Variants in SHTN1 observed in about 807,000 individuals in gnomAD.
The protein encoded by SHTN1 is shootin 1, also known as shootin-1.
A neutral mutation model predicts 83.1 loss-of-function variants in SHTN1; 42 were observed. That is an observed-to-expected ratio of 0.51 (90% CI 0.39 to 0.65). The LOEUF (loss-of-function observed/expected upper bound fraction) is 0.65, where lower values mean the gene tolerates loss of function less well. Among genes scored for constraint, SHTN1 ranks in the 30% least tolerant of loss-of-function variants. The pLI, the probability that SHTN1 is intolerant of heterozygous loss-of-function variation, is 0.00. For synonymous variants in SHTN1, 224 were observed against 247.7 expected (o/e 0.90, Z 0.90); for missense variants, 622 against 737.8 (o/e 0.84, Z 1.82).
At chr10:117,109,375 A>G (rs868304178) in intron 1 of SHTN1, among the ~76,000 whole-genome samples, 3 of 152,024 alleles carry the variant, frequency 2.0e-5, no homozygotes, top group Non-Finnish European at 4.4e-5. Flanking sequence ...CAATACATGT[A>G]AGCTTCCCTC....
intron 16 of SHTN1, among the ~76,000 whole-genome samples, chr10:116,888,759 C>G (rs368305500): frequency 1.3e-5 from 2 of 152,246 alleles, no homozygotes; most frequent in African/African-American, 4.8e-5. Flanking sequence ...CAAGCTATAA[C>G]AGAGCCTGCC....
chr10:116,933,976 G>A (rs1325686294), intron 9 of SHTN1, among the ~76,000 whole-genome samples: 2 of 152,128 alleles, frequency 1.3e-5, no homozygotes, highest in African/African-American at 4.8e-5. Context: ...CTTTTGAGAA[G>A]TGTCTGTTCA....
chr10:117,054,003 T>A (rs974500441), intron 1 of SHTN1, among the ~76,000 whole-genome samples: 2 of 152,232 alleles, frequency 1.3e-5, no homozygotes, highest in South Asian at 2.1e-4. Flanking sequence ...AAAGGCTACA[T>A]ATTGCATGAT....
At chr10:117,024,393 C>T (rs1264311593) in intron 2 of SHTN1, among the ~76,000 whole-genome samples, 2 of 122,664 alleles carry the variant, frequency 1.6e-5, no homozygotes, top group South Asian at 5.2e-4. Context: ...CTTGTTCTGT[C>T]GCCCAGGCTG....
intron 1 of SHTN1, among the ~76,000 whole-genome samples, chr10:117,113,822 G>A (rs986580355): frequency 6.6e-6 from 1 of 152,144 alleles, no homozygotes; most frequent in Non-Finnish European, 1.5e-5. Flanking sequence ...GAGGCAGGTG[G>A]ATCATCTGAG....
At chr10:117,047,042 A>G (rs1346382674) in intron 2 of SHTN1, among the ~76,000 whole-genome samples, 1 of 152,160 alleles carries the variant, frequency 6.6e-6, no homozygotes, top group African/African-American at 2.4e-5. Context: ...GAGTGAATTT[A>G]TGATATGTAA....
chr10:117,039,879 A>T (rs1368471482), intron 2 of SHTN1, among the ~76,000 whole-genome samples: 5 of 151,380 alleles, frequency 3.3e-5, no homozygotes, highest in Admixed American at 3.3e-4. Context: ...AGAAAGAAAA[A>T]GGGGGAATCT....
At chr10:117,025,789 A>G (rs1299223193) in intron 2 of SHTN1, among the ~76,000 whole-genome samples, 1 of 152,022 alleles carries the variant, frequency 6.6e-6, no homozygotes, top group African/African-American at 2.4e-5. Context: ...TAGCTCCCAG[A>G]TGACATTTCT....
chr10:117,083,661 T>C (rs1392438429), intron 1 of SHTN1, among the ~76,000 whole-genome samples: 1 of 151,610 alleles, frequency 6.6e-6, no homozygotes, highest in East Asian at 1.9e-4. Flanking sequence ...TCCCCATCAC[T>C]TTCAGGTACA....
intron 3 of SHTN1, among the ~76,000 whole-genome samples, chr10:116,966,208 C>T (rs1174910231): frequency 1.3e-5 from 2 of 152,036 alleles, no homozygotes; most frequent in African/African-American, 2.4e-5. Context: ...GGGGTTTCAC[C>T]GTGTTAGCCA....
At chr10:117,077,839 G>C (rs954835745) in intron 1 of SHTN1, among the ~76,000 whole-genome samples, 2 of 152,120 alleles carry the variant, frequency 1.3e-5, no homozygotes, top group Non-Finnish European at 2.9e-5. Flanking sequence ...TAGTGATTTA[G>C]ATGGGCAAGC....
intron 14 of SHTN1, chr10:116,911,507 T>C (rs999318228): frequency 1.3e-6 from 2 of 1,550,404 alleles, no homozygotes; most frequent in African/African-American, 2.7e-5. Context: ...AGCCACTTCA[T>C]CTTCAAGCTG....
chr10:117,100,903 T>A (rs1273506611), intron 1 of SHTN1, among the ~76,000 whole-genome samples: 1 of 152,136 alleles, frequency 6.6e-6, no homozygotes, highest in Admixed American at 6.5e-5. Context: ...GAGTAGTGAC[T>A]AACATAGATG....
At chr10:116,954,873 T>C (rs1394188382) in intron 4 of SHTN1, among the ~76,000 whole-genome samples, 1 of 152,102 alleles carries the variant, frequency 6.6e-6, no homozygotes, top group African/African-American at 2.4e-5. Context: ...TTAGAAAAGC[T>C]AAAACTGAAG....
chr10:116,961,244 A>G (rs1850175411), intron 3 of SHTN1, among the ~76,000 whole-genome samples: 1 of 152,194 alleles, frequency 6.6e-6, no homozygotes, highest in Admixed American at 6.5e-5. Context: ...ACCTGCAATT[A>G]TGATTAAACT....
Position 116,965,428 on chromosome 10 carries a change from A to T in SHTN1, c.172+3224T>A, listed in dbSNP as rs139073290. ...GCTACTTGGGAGAGTGAGGCACAAG[A>T]ATTGCTTGAATCCAGGAGGCGGAGG... On this transcript the variant is annotated intron_variant, in intron 3 of 16. Transcript: ENST00000355371. Among the ~76,000 whole-genome samples, 33 of 152,300 alleles carry T rather than the reference A, an allele frequency of 2.2e-4. No homozygotes were observed. The East Asian group carries it at 6.4e-3, about 29-fold the overall frequency.
At chr10:116,967,342 T>G (rs568297174) in intron 3 of SHTN1, among the ~76,000 whole-genome samples, 1 of 152,354 alleles carries the variant, frequency 6.6e-6, no homozygotes, top group South Asian at 2.1e-4. Flanking sequence ...AATGTAACTT[T>G]CTTCAGTGAG....
chr10:117,111,583 C>T (rs576212278), intron 1 of SHTN1, among the ~76,000 whole-genome samples: 133 of 152,142 alleles, frequency 8.7e-4, no homozygotes, highest in Admixed American at 3.7e-3. Context: ...TGAGCCACTG[C>T]ACCTGGCCAA....
Position 116,954,030 on chromosome 10 carries a change from A to G in SHTN1, c.436+12T>C, listed in dbSNP as rs1589838952. 6.3e-7 allele frequency: 1 copy of G among 1,599,276 alleles called. No homozygotes were observed. The highest frequency in any genetic ancestry group is 8.5e-7 in the Non-Finnish European group (1 of 1,174,508). ...TAAAAAATATGCTCAATAATTAAGC[A>G]AAGAGTTCTACCTTTAATTTGCTTC... On this transcript the variant is annotated intron_variant, in intron 5 of 16. Coordinates refer to ENST00000355371, the MANE Select transcript of SHTN1 (RefSeq NM_001127211.3).
Sources: gnomAD v4.1 joint callset for allele counts (sites outside exome capture counted in the v4.1 genomes callset) on GRCh38, gnomAD v4.1.1 for gene constraint, MANE v1.5 for transcripts, NCBI Gene and HGNC (gene_info 2026-07-23, HGNC 2026-07-21) for gene names.